The following CNTNAP4 variants were observed in gnomAD, a reference collection of about 807,000 sequenced individuals.
CNTNAP4 encodes the protein contactin associated protein family member 4.
Under a neutral mutation model 148.4 loss-of-function variants are expected in CNTNAP4, and 98 were observed. The ratio of observed to expected loss-of-function variants is 0.66; its 90% CI spans 0.56 to 0.78. The LOEUF (loss-of-function observed/expected upper bound fraction) is 0.78, where lower values mean the gene tolerates loss of function less well. Among genes scored for constraint, CNTNAP4 ranks in the 30% least tolerant of loss-of-function variants. The pLI, the probability that CNTNAP4 is intolerant of heterozygous loss-of-function variation, is 0.00. For synonymous variants in CNTNAP4, 730 were observed against 565.1 expected (o/e 1.29, Z -4.14); for missense variants, 1,935 against 1,565.6 (o/e 1.24, Z -3.98).
In CNTNAP4 at chr16:76,305,449, A is replaced by C. The variant is rs533358506; in HGVS notation, c.86-10964A>C. 2.2e-4 allele frequency among the ~76,000 whole-genome samples: 34 copies of C among 151,774 alleles called. 1 individual carries two copies. The South Asian group carries it at 6.9e-3, about 31-fold the overall frequency. Reference sequence around the variant, plus strand: ...CTTGTGCTTTCCTGATGTTTATTTCATTGTTTTTTCTAAGTTGAGTGCTAC... The same window carrying C: ...CTTGTGCTTTCCTGATGTTTATTTCCTTGTTTTTTCTAAGTTGAGTGCTAC... On this transcript the variant is annotated intron_variant, in intron 1 of 23. Coordinates refer to ENST00000611870, the MANE Select transcript of CNTNAP4 (RefSeq NM_033401.5).
rs76553232 is a variant in CNTNAP4, at chr16:76,325,798, A to G, written c.196+9275A>G. Among the ~76,000 whole-genome samples, 1,096 of 152,314 alleles carry G rather than the reference A, an allele frequency of 7.2e-3. 9 individuals are homozygous for G. The highest frequency in any genetic ancestry group is 0.024 in the South Asian group (116 of 4,830). ...AAAGTGCATTAATTAATAAAATGGA[A>G]AACAAGCATGTAATACAATCAAGAA... On this transcript the variant is annotated intron_variant, in intron 2 of 23. Coordinates refer to ENST00000611870, the MANE Select transcript of CNTNAP4 (RefSeq NM_033401.5).
At chr16:76,449,983 TTTGA>T (rs1311346718) in intron 7 of CNTNAP4, 125 bp downstream of exon 7, 4 of 768,860 alleles carry the variant, frequency 5.2e-6, no homozygotes, top group Admixed American at 3.6e-5. Context: ...AATATTTTTC[TTTGA>T]TTGGCAATAT....
chr16:76,292,290 C>T (rs1959146685), intron 1 of CNTNAP4, among the ~76,000 whole-genome samples: 1 of 152,152 alleles, frequency 6.6e-6, no homozygotes, highest in African/African-American at 2.4e-5. Flanking sequence ...GAATTTATGG[C>T]ACTTAAAGAT....
chr16:76,501,147 C>T (rs886702292), intron 15 of CNTNAP4, among the ~76,000 whole-genome samples: 1 of 152,198 alleles, frequency 6.6e-6, no homozygotes, highest in East Asian at 1.9e-4. Flanking sequence ...ACCTCTACTT[C>T]CTGTTCTACC....
chr16:76,511,613 A>G lies in CNTNAP4; in HGVS notation c.2366-9527A>G, dbSNP rs374796293. ...CCACTATGCTTGATAATTCTCTATT[A>G]TAACATTTTTATTTTAACTTTTATA... On this transcript the variant is annotated intron_variant, in intron 15 of 23. Transcript: ENST00000611870. Among the ~76,000 whole-genome samples the G allele has an allele frequency of 2.0e-5, 3 of 152,258 alleles. No individual in the cohort carries two copies. The East Asian group carries it at 5.8e-4, about 29-fold the overall frequency.
At chr16:76,443,026 G>A (rs990550312) in intron 4 of CNTNAP4, among the ~76,000 whole-genome samples, 22 of 152,224 alleles carry the variant, frequency 1.4e-4, no homozygotes, top group Non-Finnish European at 2.9e-4. Flanking sequence ...TGCAACTGTG[G>A]TCAGAGAACT....
At chr16:76,337,220 G>T (rs1329194678) in intron 2 of CNTNAP4, among the ~76,000 whole-genome samples, 1 of 152,218 alleles carries the variant, frequency 6.6e-6, no homozygotes, top group East Asian at 1.9e-4. Flanking sequence ...AAGACTGAGA[G>T]TTAGGTTTCC....
chr16:76,386,034 T>C (rs1013712358), intron 3 of CNTNAP4, among the ~76,000 whole-genome samples: 1 of 152,066 alleles, frequency 6.6e-6, no homozygotes, highest in Non-Finnish European at 1.5e-5. Context: ...GAAGGCAGAG[T>C]GCCACCTTGT....
In CNTNAP4 at chr16:76,544,349, C is replaced by T. The variant is rs540874356; in HGVS notation, c.3442+3559C>T. Among the ~76,000 whole-genome samples, 12 of 151,960 alleles carry T rather than the reference C, an allele frequency of 7.9e-5. No individual in the cohort carries two copies. In the East Asian group the frequency reaches 2.1e-3, roughly 27 times the overall value. The stretch of plus-strand genomic sequence containing the variant: ...TCTTGAATTTTTCCAGTACTCATTT[C>T]TTAAATGTAGAAAACATTCTAGGGG... On this transcript the variant is annotated intron_variant, in intron 21 of 23. Coordinates refer to ENST00000611870, the MANE Select transcript of CNTNAP4 (RefSeq NM_033401.5).
intron 1 of CNTNAP4, among the ~76,000 whole-genome samples, chr16:76,278,336 C>A (rs776573947): frequency 5.3e-5 from 8 of 152,140 alleles, no homozygotes; most frequent in South Asian, 2.1e-4. Flanking sequence ...TAGCGCTCTC[C>A]GGAAAGAGGA....
chr16:76,495,500 CAA>C (rs2082372042), intron 14 of CNTNAP4, among the ~76,000 whole-genome samples: 1 of 151,880 alleles, frequency 6.6e-6, no homozygotes, highest in Admixed American at 6.6e-5. Context: ...TTTAAAAAGA[CAA>C]ATCATACCAC....
At position 76,521,225 on chromosome 16, in the gene CNTNAP4, A is replaced by G. The variant is rs775776649; in HGVS notation, c.2451A>G (p.Val817=). The change falls in exon 16 of 24, where the codon GTA becomes GTG. Residue 817 remains valine (V), a synonymous_variant. Transcript: ENST00000611870. The part of the protein sequence containing the change: ...PTFHGELSAD[V]SFFFKTTASS... ...TCCACGGAGAACTTAGCGCGGATGT[A>G]TCTTTCTTTTTTAAGACAACAGCTT... is the stretch of plus-strand genomic sequence containing the variant. 1.7e-5 allele frequency: 27 copies of G among 1,611,676 alleles called. No homozygotes were observed. Among genetic ancestry groups the G allele is most frequent in the African/African-American group, 2.7e-5 (2 of 74,462 alleles).
intron 7 of CNTNAP4, among the ~76,000 whole-genome samples, chr16:76,451,984 T>C (rs982092998): frequency 3.3e-5 from 5 of 151,956 alleles, no homozygotes; most frequent in African/African-American, 1.2e-4. Context: ...TATCAAAATA[T>C]CACATGTGCC....
At chr16:76,498,778 C>T (rs2082507292) in intron 15 of CNTNAP4, 84 bp downstream of exon 15, 3 of 1,291,202 alleles carry the variant, frequency 2.3e-6, no homozygotes, top group Non-Finnish European at 3.1e-6. Flanking sequence ...ACGTTTCTAT[C>T]ATATAATAAC....
chr16:76,368,564 A>G (rs921043014), intron 3 of CNTNAP4, among the ~76,000 whole-genome samples: 1 of 152,128 alleles, frequency 6.6e-6, no homozygotes, highest in Non-Finnish European at 1.5e-5. Context: ...CAGCAAACCA[A>G]CACAGGAACA....
Position 76,432,800 on chromosome 16 carries a change from C to T in CNTNAP4, c.538+5201C>T, listed in dbSNP as rs139488885. 3.4e-4 allele frequency among the ~76,000 whole-genome samples: 51 copies of T among 152,198 alleles called. No individual in the cohort carries two copies. The East Asian group carries it at 6.2e-3, about 19-fold the overall frequency. On this transcript the variant is annotated intron_variant, in intron 4 of 23. Coordinates refer to ENST00000611870, the MANE Select transcript of CNTNAP4 (RefSeq NM_033401.5). ...TGTATAAACATCCTCATTTTGCAGC[C>T]TATGATCATCTCTTCCTCATCCCCA...
intron 2 of CNTNAP4, among the ~76,000 whole-genome samples, chr16:76,352,945 C>T (rs2012024359): frequency 6.6e-6 from 1 of 152,012 alleles, no homozygotes; most frequent in Admixed American, 6.6e-5. Context: ...ACAAATGACC[C>T]CAAGACACCA....
intron 4 of CNTNAP4, among the ~76,000 whole-genome samples, chr16:76,435,205 G>A (rs1325946703): frequency 6.6e-6 from 1 of 152,150 alleles, no homozygotes; most frequent in Non-Finnish European, 1.5e-5. Flanking sequence ...GAAGGGCTGT[G>A]ATTCTCTGTT....
chr16:76,516,400 C>A (rs2083256631), intron 15 of CNTNAP4, among the ~76,000 whole-genome samples: 1 of 152,184 alleles, frequency 6.6e-6, no homozygotes, highest in Non-Finnish European at 1.5e-5. Context: ...CTGCAATAAA[C>A]ATACATGTGC....
Sources: allele counts gnomAD v4.1 joint callset (sites outside exome capture counted in the v4.1 genomes callset), GRCh38; gene constraint gnomAD v4.1.1; transcripts MANE v1.5; gene names NCBI Gene and HGNC (gene_info 2026-07-23, HGNC 2026-07-21).